CR1: variants seen among roughly 807,000 people sequenced by gnomAD.
CR1 encodes the protein complement C3b/C4b receptor 1 (Knops blood group).
CR1 carries 116 observed loss-of-function variants against 187.3 expected under a neutral mutation model. The ratio of observed to expected loss-of-function variants is 0.62; its 90% CI spans 0.53 to 0.72. The LOEUF (loss-of-function observed/expected upper bound fraction) is 0.72, where lower values mean the gene tolerates loss of function less well. Among genes scored for constraint, CR1 ranks in the 30% least tolerant of loss-of-function variants. The pLI is 0.00. For synonymous variants in CR1, 576 were observed against 747.1 expected, an observed-to-expected ratio of 0.77 and a Z score of 3.73; for missense variants, 1,731 against 2,110.7, an observed-to-expected ratio of 0.82 and a Z score of 3.52.
intron 46 of CR1, among the ~76,000 whole-genome samples, chr1:207,635,184 G>A (rs11118216): frequency 0.032 from 4,865 of 152,182 alleles, 256 homozygotes; most frequent in African/African-American, 0.11. Context: ...GGAAAAGAAA[G>A]AGACACAGAG....
intron 32 of CR1, 50 bp from the exon 33 acceptor site, chr1:207,584,599 T>G: frequency 1.5e-5 from 24 of 1,574,064 alleles, no homozygotes; most frequent in South Asian, 2.3e-5. Flanking sequence ...TCACCTTGGA[T>G]TATACTTTAA....
At chr1:207,516,077 C>T (rs1341369986) in intron 4 of CR1, among the ~76,000 whole-genome samples, 1 of 152,098 alleles carries the variant, frequency 6.6e-6, no homozygotes, top group East Asian at 1.9e-4. Context: ...ATAAAATTAG[C>T]TGGGCTCAGT....
intron 45 of CR1, among the ~76,000 whole-genome samples, chr1:207,625,673 T>C (rs1429685412): frequency 2.0e-5 from 3 of 151,896 alleles, no homozygotes; most frequent in African/African-American, 7.3e-5. Flanking sequence ...GATCATTTGG[T>C]AGGAAGGGAG....
intron 35 of CR1, chr1:207,599,080 A>G (rs1379745947): frequency 6.6e-6 from 1 of 152,236 alleles, no homozygotes; most frequent in Admixed American, 6.5e-5. Flanking sequence ...GTTAACAGAA[A>G]ATAGACTGCA....
chr1:207,638,924 G>A (rs944324857), intron 46 of CR1, among the ~76,000 whole-genome samples: 4 of 152,206 alleles, frequency 2.6e-5, no homozygotes, highest in African/African-American at 9.7e-5. Context: ...CTGCACTGCC[G>A]CTTGTGGCGG....
At chr1:207,505,607 G>A (rs1659402457) in intron 1 of CR1, among the ~76,000 whole-genome samples, 1 of 152,048 alleles carries the variant, frequency 6.6e-6, no homozygotes, top group Admixed American at 6.6e-5. Context: ...AGGCCAAAGT[G>A]GGTAGATGAC....
chr1:207,597,177 T>C (rs1271686242), intron 35 of CR1, among the ~76,000 whole-genome samples: 2 of 151,796 alleles, frequency 1.3e-5, no homozygotes, highest in Non-Finnish European at 2.9e-5. Flanking sequence ...GAATGGAGTT[T>C]GTTTTGTACA....
chr1:207,617,577 G>GTGTATA (rs1558271573), intron 41 of CR1, among the ~76,000 whole-genome samples: 2 of 47,186 alleles, frequency 4.2e-5, no homozygotes, highest in African/African-American at 7.8e-5. Context: ...ATGTGTGTGT[G>GTGTATA]TATATATATA....
At chr1:207,626,278 G>C (rs1361569449) in intron 45 of CR1, among the ~76,000 whole-genome samples, 1 of 152,168 alleles carries the variant, frequency 6.6e-6, no homozygotes, top group Non-Finnish European at 1.5e-5. Context: ...ATAACACATA[G>C]CTAAAACTGG....
chr1:207,520,654 A>G (rs1659948296), intron 4 of CR1, among the ~76,000 whole-genome samples: 1 of 152,200 alleles, frequency 6.6e-6, no homozygotes, highest in African/African-American at 2.4e-5. Flanking sequence ...TAAAGATCCT[A>G]AATGAAAACA....
At chr1:207,513,254 C>A (rs1659678052) in intron 4 of CR1, among the ~76,000 whole-genome samples, 1 of 152,202 alleles carries the variant, frequency 6.6e-6, no homozygotes, top group Non-Finnish European at 1.5e-5. Flanking sequence ...ATATGCATTA[C>A]AAGAACCCCC....
At chr1:207,499,985 G>T (rs960891566) in intron 1 of CR1, among the ~76,000 whole-genome samples, 1 of 152,102 alleles carries the variant, frequency 6.6e-6, no homozygotes. Context: ...CACCCTCTCC[G>T]CAAAGACACA....
intron 43 of CR1, among the ~76,000 whole-genome samples, chr1:207,621,196 A>C (rs2102403237): frequency 6.6e-6 from 1 of 152,082 alleles, no homozygotes; most frequent in Non-Finnish European, 1.5e-5. Context: ...AGTCGCTTGA[A>C]CACGGGAGGT....
At chr1:207,573,216 T>A (rs1457785179) in intron 27 of CR1, among the ~76,000 whole-genome samples, 2 of 151,988 alleles carry the variant, frequency 1.3e-5, no homozygotes, top group African/African-American at 4.8e-5. Flanking sequence ...TCAATCTCAT[T>A]CTTCATGGGA....
chr1:207,619,844 A>C (rs1363842495), intron 42 of CR1, 36 bp from the exon 43 acceptor site: 1 of 1,529,128 alleles, frequency 6.5e-7, no homozygotes, highest in South Asian at 1.2e-5. Context: ...AATCAACAAT[A>C]AAATATCAAT....
chr1:207,632,434 C>T (rs1045947689), intron 46 of CR1, among the ~76,000 whole-genome samples: 3 of 152,074 alleles, frequency 2.0e-5, no homozygotes, highest in Non-Finnish European at 4.4e-5. Context: ...ATTATTTCAA[C>T]ATGAACACAA....
chr1:207,584,271 T>C (rs1487713556), intron 32 of CR1, among the ~76,000 whole-genome samples: 1 of 152,218 alleles, frequency 6.6e-6, no homozygotes, highest in Non-Finnish European at 1.5e-5. Context: ...TATCCTGTGC[T>C]TTAAACAGTA....
chr1:207,605,164 G>A (rs1344892919), intron 35 of CR1, among the ~76,000 whole-genome samples: 2 of 151,668 alleles, frequency 1.3e-5, no homozygotes, highest in African/African-American at 4.8e-5. Flanking sequence ...GGAGGCTAAG[G>A]TGGGAGAATG....
chr1:207,631,495 C>T (rs1440983546), intron 46 of CR1, among the ~76,000 whole-genome samples: 2 of 152,160 alleles, frequency 1.3e-5, no homozygotes, highest in Non-Finnish European at 2.9e-5. Context: ...ACTTTGCTAA[C>T]CCCTGAACTA....
Sources: allele counts gnomAD v4.1 joint callset (sites outside exome capture counted in the v4.1 genomes callset), GRCh38; gene constraint gnomAD v4.1.1; transcripts MANE v1.5; gene names NCBI Gene and HGNC (gene_info 2026-07-23, HGNC 2026-07-21).